The following ADCY2 variants were observed in gnomAD, a reference collection of about 807,000 sequenced individuals.
The protein encoded by ADCY2 is adenylate cyclase type 2.
Under a neutral mutation model 125.2 loss-of-function variants are expected in ADCY2, and 31 were observed. That is an observed-to-expected ratio of 0.25 (90% CI 0.19 to 0.33). ADCY2 has a LOEUF of 0.33. Ranked by LOEUF, ADCY2 falls within the 10% of genes least tolerant of loss-of-function variation. The pLI is 1.00. For synonymous variants in ADCY2, 512 were observed against 548.4 expected (o/e 0.93, Z 0.93); for missense variants, 904 against 1,418.2 (o/e 0.64, Z 5.82).
chr5:7,591,896 A>G (rs890922801), intron 3 of ADCY2, among the ~76,000 whole-genome samples: 2 of 152,160 alleles, frequency 1.3e-5, no homozygotes, highest in Non-Finnish European at 2.9e-5. Context: ...TTTACTGGCC[A>G]TTTGGATTTC....
chr5:7,512,689 T>C (rs972717461), intron 2 of ADCY2, among the ~76,000 whole-genome samples: 2 of 152,174 alleles, frequency 1.3e-5, no homozygotes, highest in East Asian at 1.9e-4. Flanking sequence ...AATTTGGTCA[T>C]AAGGTCTGTG....
chr5:7,634,535 A>G (rs1387934172), intron 4 of ADCY2, among the ~76,000 whole-genome samples: 1 of 152,194 alleles, frequency 6.6e-6, no homozygotes, highest in Non-Finnish European at 1.5e-5. Context: ...TGTGGACTAT[A>G]TGATGCACTC....
At chr5:7,466,764 TG>T (rs1339294405) in intron 2 of ADCY2, among the ~76,000 whole-genome samples, 1 of 152,172 alleles carries the variant, frequency 6.6e-6, no homozygotes, top group African/African-American at 2.4e-5. Context: ...CAGGGCCAAC[TG>T]TAATTTCAGG....
chr5:7,815,382 G>A (rs1366545216), intron 22 of ADCY2, among the ~76,000 whole-genome samples: 1 of 152,144 alleles, frequency 6.6e-6, no homozygotes, highest in African/African-American at 2.4e-5. Context: ...GCCATGCCCG[G>A]CAGGCCTGGG....
chr5:7,577,288 CA>C (rs1056594736), intron 3 of ADCY2, among the ~76,000 whole-genome samples: 10 of 151,878 alleles, frequency 6.6e-5, no homozygotes, highest in Non-Finnish European at 1.2e-4. Context: ...GATATATTAC[CA>C]AAAAAAGTAA....
At chr5:7,772,174 C>CTAA (rs1310844837) in intron 17 of ADCY2, among the ~76,000 whole-genome samples, 1 of 152,188 alleles carries the variant, frequency 6.6e-6, no homozygotes, top group African/African-American at 2.4e-5. Context: ...AGTAAGTGAG[C>CTAA]TAATGAGTTA....
chr5:7,762,247 CAT>C (rs1355758692), intron 16 of ADCY2, among the ~76,000 whole-genome samples: 1 of 152,206 alleles, frequency 6.6e-6, no homozygotes, highest in Non-Finnish European at 1.5e-5. Context: ...AAAGAAAAAT[CAT>C]AAAACTGTAG....
At chr5:7,651,118 A>G (rs1183365701) in intron 4 of ADCY2, among the ~76,000 whole-genome samples, 1 of 152,198 alleles carries the variant, frequency 6.6e-6, no homozygotes, top group Non-Finnish European at 1.5e-5. Flanking sequence ...CCCAGCATCA[A>G]AGCATTCTTC....
intron 3 of ADCY2, among the ~76,000 whole-genome samples, chr5:7,534,344 G>A (rs1036143970): frequency 4.6e-5 from 7 of 152,144 alleles, no homozygotes; most frequent in Admixed American, 1.3e-4. Flanking sequence ...ATTCTCTTTC[G>A]TGTTCTGAAT....
At chr5:7,631,881 C>A (rs1317522305) in intron 4 of ADCY2, among the ~76,000 whole-genome samples, 1 of 152,126 alleles carries the variant, frequency 6.6e-6, no homozygotes. Flanking sequence ...CTTTTACCAA[C>A]CCCATCTCTG....
chr5:7,560,423 C>A (rs1735671990), intron 3 of ADCY2, among the ~76,000 whole-genome samples: 1 of 152,064 alleles, frequency 6.6e-6, no homozygotes, highest in South Asian at 2.1e-4. Context: ...TTTTAAAAAG[C>A]AATTAAAAAA....
At chr5:7,693,114 C>G (rs1740757703) in intron 5 of ADCY2, among the ~76,000 whole-genome samples, 1 of 152,160 alleles carries the variant, frequency 6.6e-6, no homozygotes, top group African/African-American at 2.4e-5. Flanking sequence ...ACAATGCCCC[C>G]CACAACATCA....
chr5:7,782,832 G>A (rs1244895872), intron 18 of ADCY2, among the ~76,000 whole-genome samples: 1 of 152,210 alleles, frequency 6.6e-6, no homozygotes, highest in Non-Finnish European at 1.5e-5. Flanking sequence ...TGCACCCATC[G>A]GTCACTTCAG....
At chr5:7,505,657 G>A (rs1743785376) in intron 2 of ADCY2, among the ~76,000 whole-genome samples, 1 of 152,156 alleles carries the variant, frequency 6.6e-6, no homozygotes, top group South Asian at 2.1e-4. Context: ...CTTTCAGTAA[G>A]GAGAAAAGCA....
At chr5:7,754,209 G>T (rs1278653469) in intron 15 of ADCY2, among the ~76,000 whole-genome samples, 2 of 152,128 alleles carry the variant, frequency 1.3e-5, no homozygotes, top group Admixed American at 1.3e-4. Flanking sequence ...TAGCCTATGA[G>T]CAGAATATAA....
At position 7,613,553 on chromosome 5, in the gene ADCY2, A is replaced by G. The variant is rs183557171; in HGVS notation, c.571-12614A>G. Among the ~76,000 whole-genome samples, 141 of 151,952 alleles carry G rather than the reference A, an allele frequency of 9.3e-4. 1 individual carries two copies. Among genetic ancestry groups the G allele is most frequent in the Non-Finnish European group, 1.6e-4 (11 of 67,966 alleles). On this transcript the variant is annotated intron_variant, in intron 3 of 24. Transcript: ENST00000338316. ...CTGACTACAAATTCCAATTTCCATG[A>G]CCTCCCCTGGCACATCAGTGTGTTC...
At chr5:7,423,684 G>A (rs181203391) in intron 2 of ADCY2, among the ~76,000 whole-genome samples, 98 of 152,284 alleles carry the variant, frequency 6.4e-4, no homozygotes, top group Middle Eastern at 3.4e-3. Flanking sequence ...TTAGCAGCGT[G>A]AGAACAGACT....
At chr5:7,423,217 C>T (rs928919952) in intron 2 of ADCY2, among the ~76,000 whole-genome samples, 3 of 152,232 alleles carry the variant, frequency 2.0e-5, no homozygotes, top group African/African-American at 7.2e-5. Flanking sequence ...GAGCTGGGCT[C>T]AGCCTGCAGT....
chr5:7,727,343 G>A (rs1741963394), intron 14 of ADCY2, 82 bp downstream of exon 14: 6 of 1,171,656 alleles, frequency 5.1e-6, no homozygotes, highest in African/African-American at 1.5e-5. Flanking sequence ...GGTGTGAAAG[G>A]ATGCTAATGT....
Sources: gnomAD v4.1 joint callset for allele counts (sites outside exome capture counted in the v4.1 genomes callset) on GRCh38, gnomAD v4.1.1 for gene constraint, MANE v1.5 for transcripts, NCBI Gene and HGNC (gene_info 2026-07-23, HGNC 2026-07-21) for gene names.